Variants in SPIN1 observed in about 807,000 individuals in gnomAD.
SPIN1 encodes the protein spindlin 1.
In SPIN1, 3 loss-of-function variants were observed where a neutral mutation model predicts 26.0. That is an observed-to-expected ratio of 0.12 (90% CI 0.05 to 0.30). The LOEUF is 0.30. SPIN1 is among the 10% of genes least tolerant of loss of function. The pLI, the probability that SPIN1 is intolerant of heterozygous loss-of-function variation, is 1.00. For missense variants in SPIN1, 126 were observed against 333.4 expected (o/e 0.38, Z 4.84); for synonymous variants, 101 against 116.5 (o/e 0.87, Z 0.86).
At chr9:88,460,485 A>C (rs1828557923) in intron 3 of SPIN1, among the ~76,000 whole-genome samples, 1 of 152,196 alleles carries the variant, frequency 6.6e-6, no homozygotes, top group Non-Finnish European at 1.5e-5. Context: ...AATAGATAAA[A>C]TATGAAGGAG....
In SPIN1 at chr9:88,392,551, A is replaced by G. The variant is rs540794379; in HGVS notation, c.-159+4013A>G. 5.3e-5 allele frequency among the ~76,000 whole-genome samples: 8 copies of G among 152,050 alleles called. No homozygotes were observed. The East Asian group carries it at 1.6e-3, about 29-fold the overall frequency. On this transcript the variant is annotated intron_variant, in intron 1 of 5. Coordinates refer to ENST00000375859, the MANE Select transcript of SPIN1 (RefSeq NM_006717.3). ...CATCGGGGATTTCAATCCCAGCCAA[A>G]AGTTAGCCCCTTGTTACCTGTCTCC...
chr9:88,416,518 T>C (rs1408709835), intron 1 of SPIN1: 1 of 152,202 alleles, frequency 6.6e-6, no homozygotes, highest in Non-Finnish European at 1.5e-5. Context: ...ATGTCTTAGT[T>C]ACAAACTTAA....
chr9:88,448,547 C>G (rs933881795), intron 2 of SPIN1, among the ~76,000 whole-genome samples: 4 of 151,966 alleles, frequency 2.6e-5, no homozygotes, highest in Non-Finnish European at 5.9e-5. Flanking sequence ...CAAGGTCTTG[C>G]TATGTTACCC....
At chr9:88,404,827 A>C (rs1827260537) in intron 1 of SPIN1, among the ~76,000 whole-genome samples, 1 of 151,778 alleles carries the variant, frequency 6.6e-6, no homozygotes, top group Non-Finnish European at 1.5e-5. Context: ...GAGGCAGGAG[A>C]ATCGCTTGAA....
Position 88,398,959 on chromosome 9 carries a change from A to AT in SPIN1, c.-159+10422dup, listed in dbSNP as rs775886927. 6.6e-4 allele frequency among the ~76,000 whole-genome samples: 101 copies of AT among 151,944 alleles called. 1 individual carries two copies. The highest frequency in any genetic ancestry group is 2.2e-4 in the Non-Finnish European group (15 of 68,002). Reference sequence around the variant, plus strand: ...ATGGATAAAGGAAAACGTATATGGGATATGTGTGTGTATGTATTAAGGCAT... The same window carrying AT: ...ATGGATAAAGGAAAACGTATATGGGATTATGTGTGTGTATGTATTAAGGCAT... On this transcript the variant is annotated intron_variant, in intron 1 of 5. Transcript: ENST00000375859.
chr9:88,425,533 C>T (rs979582860), intron 1 of SPIN1, among the ~76,000 whole-genome samples: 1 of 151,940 alleles, frequency 6.6e-6, no homozygotes, highest in African/African-American at 2.4e-5. Context: ...CAAAAATTAG[C>T]TGGGCATGGT....
Position 88,417,544 on chromosome 9 carries a change from C to T in SPIN1, c.-158-8838C>T, listed in dbSNP as rs151083140. Among the ~76,000 whole-genome samples the T allele has an allele frequency of 7.4e-3, 1,113 of 150,844 alleles. 12 individuals carry two copies. Among genetic ancestry groups the T allele is most frequent in the African/African-American group, 0.025 (1,043 of 41,002 alleles). ...CTGGAATGCAGTGGTGTGATCTCGG[C>T]CCACTGCAACCTCTGCCTCTCGGGT... On this transcript the variant is annotated intron_variant, in intron 1 of 5. Transcript: ENST00000375859.
intron 1 of SPIN1, chr9:88,410,795 G>T: frequency 2.0e-6 from 2 of 1,023,094 alleles, no homozygotes; most frequent in Non-Finnish European, 3.1e-6. Context: ...AAGCCACCAT[G>T]ACCACTGAAG....
At chr9:88,470,751 T>C (rs892570449) in intron 5 of SPIN1, among the ~76,000 whole-genome samples, 6 of 152,014 alleles carry the variant, frequency 3.9e-5, no homozygotes, top group African/African-American at 1.4e-4. Context: ...CGTGCCACCA[T>C]GTCTTCTAAT....
At chr9:88,432,167 C>T (rs1020350349) in intron 2 of SPIN1, among the ~76,000 whole-genome samples, 6 of 148,290 alleles carry the variant, frequency 4.0e-5, no homozygotes, top group South Asian at 4.3e-4. Flanking sequence ...TCACCCTCCC[C>T]TGTGCCCGTC....
At chr9:88,391,644 G>C (rs977901627) in intron 1 of SPIN1, 1 of 152,190 alleles carries the variant, frequency 6.6e-6, no homozygotes, top group African/African-American at 2.4e-5. Context: ...CTTCTATCCA[G>C]TTGTTGGGAT....
rs765204727 is a variant in SPIN1, at chr9:88,406,666, GTAAC to G, written c.-159+18130_-159+18133del. 4.3e-4 allele frequency among the ~76,000 whole-genome samples: 66 copies of G among 152,154 alleles called. 1 individual carries two copies. Among genetic ancestry groups the G allele is most frequent in the Non-Finnish European group, 8.4e-4 (57 of 68,032 alleles). ...CATCTGTCTATTGGCATTTGACAAA[GTAAC>G]TGACGTTTAGTTTCAATCTGTTAAT... On this transcript the variant is annotated intron_variant, in intron 1 of 5. Transcript: ENST00000375859.
chr9:88,440,760 G>A (rs1217598526), intron 2 of SPIN1, among the ~76,000 whole-genome samples: 2 of 151,130 alleles, frequency 1.3e-5, no homozygotes, highest in Non-Finnish European at 2.9e-5. Flanking sequence ...TTGTATTTTT[G>A]TAGAGATGGG....
chr9:88,420,973 A>G (rs1049928241), intron 1 of SPIN1, among the ~76,000 whole-genome samples: 19 of 152,130 alleles, frequency 1.2e-4, no homozygotes, highest in African/African-American at 4.1e-4. Context: ...TTGGATGCTC[A>G]TTCTATTTTA....
At chr9:88,416,317 TTTTTG>T (rs1478127699) in intron 1 of SPIN1, among the ~76,000 whole-genome samples, 2 of 152,074 alleles carry the variant, frequency 1.3e-5, no homozygotes, top group East Asian at 3.9e-4. Flanking sequence ...TCTTACCCTA[TTTTTG>T]TTTTATTTGT....
At position 88,445,656 on chromosome 9, in the gene SPIN1, C is replaced by G. The variant is rs914147738; in HGVS notation, c.53-3285C>G. ...CTCTTGGGTTCAAGCGATTCTCTTGCCTTAGCCAGAATTACAGACGCCCAC... is the reference window on the plus strand; with the variant it reads ...CTCTTGGGTTCAAGCGATTCTCTTGGCTTAGCCAGAATTACAGACGCCCAC... On this transcript the variant is annotated intron_variant, in intron 2 of 5. Transcript: ENST00000375859. 3.3e-5 allele frequency among the ~76,000 whole-genome samples: 5 copies of G among 151,076 alleles called. No homozygotes were observed. The East Asian group carries it at 9.7e-4, about 29-fold the overall frequency.
At position 88,475,602 on chromosome 9, in the gene SPIN1, T is replaced by C. The variant is rs928033613; in HGVS notation, c.*325T>C. On this transcript the variant is annotated 3_prime_UTR_variant, in exon 6 of 6. Transcript: ENST00000375859. ...TTTCCCCCTCACCCTAACTCTCTTA[T>C]TCTGCCGCCACAATGCAAGCATAGT... is the stretch of plus-strand genomic sequence containing the variant. The C allele has an allele frequency of 2.3e-5, 5 of 221,774 alleles. No homozygotes were observed. Among genetic ancestry groups the C allele is most frequent in the Middle Eastern group, 3.5e-3 (2 of 574 alleles). The allele number at this position is 221,774 out of a possible 1,614,324, so 13.7% of individuals were successfully genotyped here.
intron 2 of SPIN1, among the ~76,000 whole-genome samples, chr9:88,446,653 C>T (rs999779114): frequency 1.3e-5 from 2 of 152,082 alleles, no homozygotes. Flanking sequence ...TGTGATCCAC[C>T]CTCCTCTGTC....
At chr9:88,463,104 G>C (rs549888257) in intron 4 of SPIN1, among the ~76,000 whole-genome samples, 2 of 152,340 alleles carry the variant, frequency 1.3e-5, no homozygotes, top group South Asian at 4.1e-4. Context: ...AAAGATAAGA[G>C]AATGCTGTGC....
Sources: allele counts gnomAD v4.1 joint callset (sites outside exome capture counted in the v4.1 genomes callset), GRCh38; gene constraint gnomAD v4.1.1; transcripts MANE v1.5; gene names NCBI Gene and HGNC (gene_info 2026-07-23, HGNC 2026-07-21).